Variants in IFT140 observed in about 807,000 individuals in gnomAD.
The protein encoded by IFT140 is intraflagellar transport protein 140 homolog.
Under a neutral mutation model 164.6 loss-of-function variants are expected in IFT140, and 133 were observed. That is an observed-to-expected ratio of 0.81 (90% CI 0.70 to 0.93). IFT140 has a LOEUF of 0.93. Among genes scored for constraint, IFT140 ranks in the 40% least tolerant of loss-of-function variants. The probability of loss-of-function intolerance (pLI) is 0.00; values close to 1 mark genes in which losing one functional copy is unlikely to be tolerated. For missense variants in IFT140, 2,045 were observed against 1,972.3 expected (o/e 1.04, Z -0.70); for synonymous variants, 860 against 817.3 (o/e 1.05, Z -0.89).
intron 19 of IFT140, among the ~76,000 whole-genome samples, chr16:1,548,094 C>G (rs1392089740): frequency 6.6e-6 from 1 of 152,260 alleles, no homozygotes; most frequent in African/African-American, 2.4e-5. Context: ...GCCTCTCGCT[C>G]TTCCCTCCCA....
At position 1,607,212 on chromosome 16, in the gene IFT140, A is replaced by AG; in HGVS notation, c.54dup (p.Ser19LeufsTer71). Reference sequence around the variant, plus strand: ...TGGACAGGGTGCCAGCTGATAAATGAGGGTGACCCTGCTGCATCCGGGGCT... The same window carrying AG: ...TGGACAGGGTGCCAGCTGATAAATGAGGGGTGACCCTGCTGCATCCGGGGCT... On this transcript the variant is annotated frameshift_variant, in exon 3 of 31. Coordinates refer to ENST00000426508, the MANE Select transcript of IFT140 (RefSeq NM_014714.4). LOFTEE classifies it high-confidence loss of function. 3.7e-6 allele frequency: 6 copies of AG among 1,614,138 alleles called. No individual in the cohort carries two copies. Among genetic ancestry groups the AG allele is most frequent in the Non-Finnish European group, 5.1e-6 (6 of 1,180,014 alleles).
At chr16:1,604,234 C>T (rs1168770986) in intron 3 of IFT140, among the ~76,000 whole-genome samples, 4 of 148,068 alleles carry the variant, frequency 2.7e-5, no homozygotes, top group Non-Finnish European at 4.4e-5. Context: ...CTGCTGGCAA[C>T]AGGGGAGCCG....
chr16:1,525,803 C>A, intron 21 of IFT140, 84 bp downstream of exon 21: 1 of 1,333,084 alleles, frequency 7.5e-7, no homozygotes, highest in South Asian at 1.5e-5. Context: ...CCTCCCTGGC[C>A]ACCTCACCAC....
At chr16:1,558,198 C>T in intron 18 of IFT140, 64 bp from the exon 19 acceptor site, 3 of 1,534,506 alleles carry the variant, frequency 2.0e-6, no homozygotes, top group Non-Finnish European at 2.7e-6. Flanking sequence ...TCACCCAGAC[C>T]TCGTCCTCTG....
At chr16:1,572,258 C>G (rs934588662) in intron 13 of IFT140, among the ~76,000 whole-genome samples, 2 of 152,140 alleles carry the variant, frequency 1.3e-5, no homozygotes, top group Admixed American at 6.6e-5. Flanking sequence ...GGGTTTTGAG[C>G]TGGGAAGTGA....
At chr16:1,542,734 G>A (rs1403593006) in intron 19 of IFT140, among the ~76,000 whole-genome samples, 1 of 152,254 alleles carries the variant, frequency 6.6e-6, no homozygotes, top group Admixed American at 6.5e-5. Context: ...CTCGGACACT[G>A]ATGCAGACGG....
rs771632573 is a variant in IFT140 at position 1,510,954 on chromosome 16, T to C, written c.4379A>G (p.Asp1460Gly). The C allele has an allele frequency of 6.8e-6, 11 of 1,611,504 alleles. No individual in the cohort carries two copies. The African/African-American group carries it at 1.3e-4, about 20-fold the overall frequency. Reference protein sequence around the residue: ...LDEEVVEEADDDP With the variant: ...LDEEVVEEADGDP ...TGGGGCCCAGGCCCCTCAGGGGTCG[T>C]CATCTGCCTCTTCCACCACCTCCTC... The change falls in exon 31 of 31, where the codon GAC (aspartate) becomes GGC (glycine). Residue 1460 changes from aspartate (D) to glycine (G), a missense_variant. By Grantham distance (94) the Asp-to-Gly change is moderately conservative. Transcript: ENST00000426508.
chr16:1,587,342 G>A (rs1805643422), intron 8 of IFT140, 38 bp from the exon 9 acceptor site: 1 of 1,310,060 alleles, frequency 7.6e-7, no homozygotes, highest in Non-Finnish European at 1.1e-6. Context: ...GAGGGCCTGT[G>A]TTAGTGGCGT....
chr16:1,604,283 G>GTGTGTGTC lies in IFT140; in HGVS notation c.148-1693_148-1692insGACACACA, dbSNP rs2035945956. ...CATCGCGCTGCAAGGGCGTGTGTGT[G>GTGTGTGTC]TGTGTGTGTGTGTGTGTGTGTGTGT... On this transcript the variant is annotated intron_variant, in intron 3 of 30. Transcript: ENST00000426508. 3 of 130,304 alleles carry GTGTGTGTC rather than the reference G, an allele frequency of 2.3e-5. No individual in the cohort carries two copies. The South Asian group carries it at 7.3e-4, about 32-fold the overall frequency. 8.1% of individuals were successfully genotyped at this position (130,304 alleles called of 1,614,324 possible).
intron 19 of IFT140, among the ~76,000 whole-genome samples, chr16:1,542,628 G>A (rs879456686): frequency 1.3e-5 from 2 of 152,254 alleles, no homozygotes; most frequent in Non-Finnish European, 2.9e-5. Flanking sequence ...GGCCCTTTCC[G>A]TGAGCGGGAC....
chr16:1,525,866 G>A (rs1320177486), intron 21 of IFT140, 21 bp downstream of exon 21: 6 of 1,504,184 alleles, frequency 4.0e-6, no homozygotes, highest in Non-Finnish European at 5.3e-6. Context: ...GCAGGGAAGA[G>A]GCCGCGAGGG....
intron 18 of IFT140, among the ~76,000 whole-genome samples, chr16:1,558,651 C>T (rs1056137206): frequency 6.6e-6 from 1 of 152,170 alleles, no homozygotes; most frequent in African/African-American, 2.4e-5. Context: ...ACCACTGGCC[C>T]TCCACGAGCC....
At chr16:1,579,069 A>G (rs1049808733) in intron 13 of IFT140, among the ~76,000 whole-genome samples, 1 of 152,246 alleles carries the variant, frequency 6.6e-6, no homozygotes, top group Admixed American at 6.5e-5. Flanking sequence ...ATTGTTGACA[A>G]CAAGACTTAC....
chr16:1,562,614 A>G (rs542295925), intron 17 of IFT140, among the ~76,000 whole-genome samples: 1 of 152,286 alleles, frequency 6.6e-6, no homozygotes, highest in Admixed American at 6.5e-5. Context: ...TCTACTAAAA[A>G]TACAAAAATT....
intron 19 of IFT140, chr16:1,541,647 G>T: frequency 2.9e-6 from 1 of 347,826 alleles, no homozygotes; most frequent in Non-Finnish European, 4.0e-6. Flanking sequence ...GACAGAAATA[G>T]CAGAGTAGGG....
At chr16:1,526,541 G>A in intron 20 of IFT140, 78 bp downstream of exon 20, 6 of 1,357,548 alleles carry the variant, frequency 4.4e-6, no homozygotes, top group Non-Finnish European at 5.8e-6. Context: ...CGGTGGGCGT[G>A]CCTCCTCCTT....
At chr16:1,573,663 C>G (rs1415550410) in intron 13 of IFT140, among the ~76,000 whole-genome samples, 1 of 152,092 alleles carries the variant, frequency 6.6e-6, no homozygotes, top group East Asian at 1.9e-4. Flanking sequence ...CTGTAGCCAC[C>G]CATCATGCAA....
At chr16:1,517,753 A>C (rs1487026932) in intron 30 of IFT140, among the ~76,000 whole-genome samples, 2 of 152,248 alleles carry the variant, frequency 1.3e-5, no homozygotes, top group Admixed American at 6.5e-5. Context: ...ACATTTCTTC[A>C]CAAATAAAGT....
Position 1,520,685 on chromosome 16 carries a change from C to A in IFT140, c.3577G>T (p.Glu1193Ter). The A allele has an allele frequency of 6.2e-7, 1 of 1,609,136 alleles. No homozygotes were observed. Among genetic ancestry groups the A allele is most frequent in the Non-Finnish European group, 8.5e-7 (1 of 1,178,140 alleles). ...CGCATGCAGCAGTCTGCTATCTGCT[C>A]CAGCAGCTCCCGCCGCGACTCCTCA... ...LPEESRRELL[E>*]QIADCCMRQG... Residue 1193 changes from glutamate (E) to a stop codon, truncating the protein, a stop_gained, in exon 27 of 31, where the codon GAG (glutamate) becomes TAG (stop). Transcript: ENST00000426508. LOFTEE classifies it high-confidence loss of function.
Sources: allele counts gnomAD v4.1 joint callset (sites outside exome capture counted in the v4.1 genomes callset), GRCh38; gene constraint gnomAD v4.1.1; transcripts MANE v1.5; gene names NCBI Gene and HGNC (gene_info 2026-07-23, HGNC 2026-07-21).